Variants in RYR3 observed in about 807,000 individuals in gnomAD.
The protein encoded by RYR3 is brain ryanodine receptor-calcium release channel.
In RYR3, 207 loss-of-function variants were observed where a neutral mutation model predicts 584.3. That is an observed-to-expected ratio of 0.35 (90% CI 0.32 to 0.40). The LOEUF (loss-of-function observed/expected upper bound fraction) is 0.40, where lower values mean the gene tolerates loss of function less well. Among genes scored for constraint, RYR3 ranks in the 10% least tolerant of loss-of-function variants. The probability of loss-of-function intolerance (pLI) is 1.00; values close to 1 mark genes in which losing one functional copy is unlikely to be tolerated. For missense variants in RYR3, 5,616 were observed against 6,089.2 expected (o/e 0.92, Z 2.59); for synonymous variants, 2,416 against 2,248.5 (o/e 1.07, Z -2.11).
rs774201184 is a variant in RYR3, at chr15:33,823,102, A to G, written c.11072+30A>G. On this transcript the variant is annotated intron_variant, in intron 81 of 103. Coordinates refer to ENST00000634891, the MANE Select transcript of RYR3 (RefSeq NM_001036.6). ...ATGCGGGAAAACTACCATAGCATTT[A>G]AAAAACTCTTCCCTCTAAGCATAGG... 1.0e-5 allele frequency: 16 copies of G among 1,586,422 alleles called. No individual in the cohort carries two copies. In the Middle Eastern group the frequency reaches 1.0e-3, roughly 99 times the overall value.
intron 60 of RYR3, among the ~76,000 whole-genome samples, chr15:33,764,541 C>T (rs145873441): frequency 0.016 from 2,478 of 150,698 alleles, 64 homozygotes; most frequent in African/African-American, 0.057. Flanking sequence ...CAGAACTGCA[C>T]GTTCTGCACA....
rs545977591 is a variant in RYR3, at chr15:33,802,233, A to C, written c.10011+272A>C. On this transcript the variant is annotated intron_variant, in intron 69 of 103. Coordinates refer to ENST00000634891, the MANE Select transcript of RYR3 (RefSeq NM_001036.6). Reference sequence around the variant, plus strand: ...AAGGCATTTGAGAGGTCTCCAAAACAAAAGCTGCTGTTAGTGATTTTAAAA... The same window carrying C: ...AAGGCATTTGAGAGGTCTCCAAAACCAAAGCTGCTGTTAGTGATTTTAAAA... 87 of 540,102 alleles carry C rather than the reference A, an allele frequency of 1.6e-4. 2 individuals are homozygous for C. Among genetic ancestry groups the C allele is most frequent in the South Asian group, 1.1e-3 (67 of 62,372 alleles). 33.5% of individuals were successfully genotyped at this position (540,102 alleles called of 1,614,324 possible).
At chr15:33,317,531 G>A (rs904347253) in intron 1 of RYR3, among the ~76,000 whole-genome samples, 7 of 152,100 alleles carry the variant, frequency 4.6e-5, no homozygotes, top group African/African-American at 1.7e-4. Context: ...GTTTCCTTTG[G>A]TTCAGTGAAT....
intron 94 of RYR3, 47 bp from the exon 95 acceptor site, chr15:33,852,998 C>T: frequency 6.5e-7 from 1 of 1,528,522 alleles, no homozygotes; most frequent in Non-Finnish European, 9.0e-7. Flanking sequence ...ATGTGTTTTC[C>T]TTGATGTTAA....
At chr15:33,578,722 TAACA>T (rs1306717940) in intron 12 of RYR3, among the ~76,000 whole-genome samples, 1 of 150,138 alleles carries the variant, frequency 6.7e-6, no homozygotes, top group African/African-American at 2.5e-5. Flanking sequence ...CACGTCTGTG[TAACA>T]AACCTGCACA....
At chr15:33,857,994 G>C in intron 99 of RYR3, 80 bp downstream of exon 99, 2 of 1,567,132 alleles carry the variant, frequency 1.3e-6, no homozygotes, top group Non-Finnish European at 1.7e-6. Context: ...AAGAAGGGCT[G>C]TGTGGGGGTG....
intron 66 of RYR3, among the ~76,000 whole-genome samples, 177 bp from the exon 67 acceptor site, chr15:33,788,041 A>C (rs530419600): frequency 6.6e-6 from 1 of 152,354 alleles, no homozygotes; most frequent in African/African-American, 2.4e-5. Context: ...TCGGTTCCCC[A>C]TCCCTCAAGG....
At chr15:33,563,244 A>T (rs557267850) in intron 11 of RYR3, among the ~76,000 whole-genome samples, 1 of 152,204 alleles carries the variant, frequency 6.6e-6, no homozygotes, top group Non-Finnish European at 1.5e-5. Context: ...TGTGAGGAAG[A>T]GGTGATGTAT....
chr15:33,706,484 C>T (rs1466559739), intron 42 of RYR3, among the ~76,000 whole-genome samples: 2 of 152,114 alleles, frequency 1.3e-5, no homozygotes, highest in African/African-American at 2.4e-5. Flanking sequence ...TGGAACGATA[C>T]GGTATTTGTC....
intron 60 of RYR3, among the ~76,000 whole-genome samples, chr15:33,768,333 A>G (rs1259413626): frequency 1.3e-5 from 2 of 152,210 alleles, no homozygotes; most frequent in African/African-American, 4.8e-5. Context: ...ATGTCACACA[A>G]ATGAACGTTT....
intron 35 of RYR3, 51 bp from the exon 36 acceptor site, chr15:33,663,486 C>A (rs2063288352): frequency 6.6e-7 from 1 of 1,519,288 alleles, no homozygotes; most frequent in East Asian, 2.3e-5. Flanking sequence ...GGCATGCTAG[C>A]AGCCTCACCA....
chr15:33,504,460 C>T (rs886243949), intron 3 of RYR3, among the ~76,000 whole-genome samples: 3 of 152,198 alleles, frequency 2.0e-5, no homozygotes, highest in African/African-American at 7.2e-5. Context: ...CTCCACCATC[C>T]TCAATCCCCC....
chr15:33,699,236 G>GTCTCTCTCTCTC (rs5811786), intron 40 of RYR3, among the ~76,000 whole-genome samples: 1 of 114,382 alleles, frequency 8.7e-6, no homozygotes, highest in African/African-American at 3.4e-5. Flanking sequence ...CTGTCTGTCT[G>GTCTCTCTCTCTC]TCTCTCTCTC....
In RYR3 at chr15:33,647,346, G is replaced by A; in HGVS notation, c.3942-78G>A. ...CCTAAACTTGACTTGATCATTGAAG[G>A]TAGATCAAGTTGCCTGTCGGAACTG... On this transcript the variant is annotated intron_variant, in intron 29 of 103. Coordinates refer to ENST00000634891, the MANE Select transcript of RYR3 (RefSeq NM_001036.6). 4 of 1,105,210 alleles carry A rather than the reference G, an allele frequency of 3.6e-6. No individual in the cohort carries two copies. In the South Asian group the frequency reaches 3.9e-5, roughly 11 times the overall value. The allele number at this position is 1,105,210 out of a possible 1,614,324, so 68.5% of individuals were successfully genotyped here.
chr15:33,608,591 C>T (rs1314147283), intron 18 of RYR3, among the ~76,000 whole-genome samples: 1 of 152,174 alleles, frequency 6.6e-6, no homozygotes, highest in Non-Finnish European at 1.5e-5. Flanking sequence ...ATAGTCTTCC[C>T]AGGACATTGC....
intron 81 of RYR3, among the ~76,000 whole-genome samples, chr15:33,824,725 T>G (rs541894435): frequency 6.6e-6 from 1 of 152,360 alleles, no homozygotes; most frequent in African/African-American, 2.4e-5. Flanking sequence ...TCTCCATGCC[T>G]TTGCCCCGTG....
chr15:33,522,092 T>A lies in RYR3; in HGVS notation c.280-8500T>A, dbSNP rs1329095241. 3.0e-4 allele frequency among the ~76,000 whole-genome samples: 35 copies of A among 114,758 alleles called. No individual in the cohort carries two copies. In the East Asian group the frequency reaches 5.5e-3, roughly 18 times the overall value. The allele number at this position is 114,758 out of a possible 152,430, so 75.3% of individuals were successfully genotyped here. A position where few individuals can be genotyped will look rare whatever the true frequency, so the allele number is the denominator to read the frequency against. The stretch of plus-strand genomic sequence containing the variant: ...AATATGGCAAAACCCCATCTCTACT[T>A]AAAAAAAAAAAAAAAAAAAAACTAG... On this transcript the variant is annotated intron_variant, in intron 3 of 103. Coordinates refer to ENST00000634891, the MANE Select transcript of RYR3 (RefSeq NM_001036.6).
chr15:33,328,475 A>T (rs1970008208), intron 1 of RYR3, among the ~76,000 whole-genome samples: 1 of 152,138 alleles, frequency 6.6e-6, no homozygotes. Context: ...ACATTTTCAG[A>T]TGGGTTCCTT....
At chr15:33,434,584 AT>A (rs2045488444) in intron 1 of RYR3, among the ~76,000 whole-genome samples, 1 of 152,184 alleles carries the variant, frequency 6.6e-6, no homozygotes, top group Non-Finnish European at 1.5e-5. Context: ...GCAAGTAAAA[AT>A]ATCTAGTACC....
Sources: allele counts gnomAD v4.1 joint callset (sites outside exome capture counted in the v4.1 genomes callset), GRCh38; gene constraint gnomAD v4.1.1; transcripts MANE v1.5; gene names NCBI Gene and HGNC (gene_info 2026-07-23, HGNC 2026-07-21).